Variants in LMX1A observed in about 807,000 individuals in gnomAD.
The protein encoded by LMX1A is LIM homeobox transcription factor 1 alpha, also known as LIM homeobox transcription factor 1-alpha.
Under a neutral mutation model 49.1 loss-of-function variants are expected in LMX1A, and 15 were observed. That is an observed-to-expected ratio of 0.31 (90% CI 0.20 to 0.47). The LOEUF (loss-of-function observed/expected upper bound fraction) is 0.47, where lower values mean the gene tolerates loss of function less well. LMX1A is among the 20% of genes least tolerant of loss of function. LMX1A has a pLI of 1.00. For synonymous variants in LMX1A, 167 were observed against 185.7 expected (o/e 0.90, Z 0.82); for missense variants, 372 against 475.8 (o/e 0.78, Z 2.03).
Position 165,318,448 on chromosome 1 carries a change from G to A in LMX1A, c.263+34628C>T, listed in dbSNP as rs963886436. Among the ~76,000 whole-genome samples the A allele has an allele frequency of 4.0e-5, 6 of 150,780 alleles. No individual in the cohort carries two copies. The South Asian group carries it at 1.1e-3, about 27-fold the overall frequency. On this transcript the variant is annotated intron_variant, in intron 3 of 8. Transcript: ENST00000342310. ...AAACAATCTGCTGGCTTCAGGTTCAGAGCATTTGTTAAGGCATTATATAAT... is the reference window on the plus strand; with the variant it reads ...AAACAATCTGCTGGCTTCAGGTTCAAAGCATTTGTTAAGGCATTATATAAT...
chr1:165,289,470 C>T, intron 3 of LMX1A, among the ~76,000 whole-genome samples: 1 of 152,228 alleles, frequency 6.6e-6, no homozygotes, highest in East Asian at 1.9e-4. Flanking sequence ...GAAGGGTTGC[C>T]AAGGCTCCCT....
chr1:165,236,475 T>C (rs958215916), intron 4 of LMX1A, among the ~76,000 whole-genome samples: 82 of 152,158 alleles, frequency 5.4e-4, no homozygotes, highest in African/African-American at 1.9e-3. Context: ...ATCATTAAAT[T>C]TGCATTTCCA....
At chr1:165,272,388 C>A (rs1389609227) in intron 3 of LMX1A, among the ~76,000 whole-genome samples, 1 of 152,214 alleles carries the variant, frequency 6.6e-6, no homozygotes, top group Non-Finnish European at 1.5e-5. Context: ...GAAGCATCAA[C>A]CACCCTCATT....
rs1312414603 is a variant in LMX1A at position 165,355,602 on chromosome 1, T to C, written c.-22-21A>G. The C allele has an allele frequency of 1.3e-6, 2 of 1,587,022 alleles. No individual in the cohort carries two copies. The highest frequency in any genetic ancestry group is 2.7e-5 in the African/African-American group (2 of 74,360). On this transcript the variant is annotated intron_variant, in intron 1 of 8. Coordinates refer to ENST00000342310, the MANE Select transcript of LMX1A (RefSeq NM_177398.4). This position sits in a 1 kb window ranked among gnomAD's most constrained non-coding sequence, Gnocchi z 4.7. ...AGGACCTGTAGAGGAGAAGAAACGATGCGTCTGACGTCCGTGCCCGCTGGG... is the reference window on the plus strand; with the variant it reads ...AGGACCTGTAGAGGAGAAGAAACGACGCGTCTGACGTCCGTGCCCGCTGGG...
At chr1:165,320,708 T>G (rs1234545581) in intron 3 of LMX1A, among the ~76,000 whole-genome samples, 1 of 152,202 alleles carries the variant, frequency 6.6e-6, no homozygotes, top group African/African-American at 2.4e-5. Context: ...CATATCTTTC[T>G]AAATAGGATT....
At chr1:165,251,082 G>C (rs1300817560) in intron 3 of LMX1A, among the ~76,000 whole-genome samples, 5 of 128,772 alleles carry the variant, frequency 3.9e-5, no homozygotes, top group African/African-American at 1.4e-4. Context: ...GTATTGAATG[G>C]CTTTTTTTTT....
At chr1:165,342,766 G>A (rs1656116093) in intron 3 of LMX1A, among the ~76,000 whole-genome samples, 1 of 152,020 alleles carries the variant, frequency 6.6e-6, no homozygotes, top group South Asian at 2.1e-4. Flanking sequence ...CTAGCAGGTG[G>A]GGACTTGTTT....
chr1:165,345,236 A>G lies in LMX1A; in HGVS notation c.263+7840T>C, dbSNP rs182277795. 1.6e-4 allele frequency among the ~76,000 whole-genome samples: 24 copies of G among 152,314 alleles called. No homozygotes were observed. The East Asian group carries it at 3.9e-3, about 25-fold the overall frequency. On this transcript the variant is annotated intron_variant, in intron 3 of 8. Transcript: ENST00000342310. Reference sequence around the variant, plus strand: ...TGAGGCTTGATAGGGAGGAGGCAACAGAATTGTGAGTCAAGGCGTGGCTGC... The same window carrying G: ...TGAGGCTTGATAGGGAGGAGGCAACGGAATTGTGAGTCAAGGCGTGGCTGC...
intron 3 of LMX1A, among the ~76,000 whole-genome samples, chr1:165,314,306 C>A (rs1655159049): frequency 6.6e-6 from 1 of 152,182 alleles, no homozygotes; most frequent in Admixed American, 6.5e-5. Flanking sequence ...CTGGAACCAG[C>A]CTCTATGAAT....
chr1:165,321,978 A>G (rs1351926964), intron 3 of LMX1A, among the ~76,000 whole-genome samples: 3 of 152,186 alleles, frequency 2.0e-5, no homozygotes, highest in Admixed American at 2.0e-4. Context: ...AAACAATTCA[A>G]CAACAAAAAG....
At position 165,279,634 on chromosome 1, in the gene LMX1A, A is replaced by T. The variant is rs1253923844; in HGVS notation, c.264-29994T>A. Among the ~76,000 whole-genome samples, 2 of 152,170 alleles carry T rather than the reference A, an allele frequency of 1.3e-5. 1 individual carries two copies. The highest frequency in any genetic ancestry group is 3.8e-4 in the East Asian group (2 of 5,196). ...GCTGATGCTGCCTGTCCAGGACAAC[A>T]TTATTCATTTGAGTATATCTAGGAC... is the stretch of plus-strand genomic sequence containing the variant. On this transcript the variant is annotated intron_variant, in intron 3 of 8. Transcript: ENST00000342310.
chr1:165,237,587 AAAC>A (rs1285838480), intron 4 of LMX1A, among the ~76,000 whole-genome samples: 3 of 152,174 alleles, frequency 2.0e-5, no homozygotes, highest in Non-Finnish European at 4.4e-5. Context: ...AAACAAAACA[AAAC>A]AAAAAAACCC....
intron 3 of LMX1A, among the ~76,000 whole-genome samples, chr1:165,263,674 C>A (rs1571188068): frequency 6.6e-6 from 1 of 152,238 alleles, no homozygotes; most frequent in South Asian, 2.1e-4. Flanking sequence ...ATCCTACTAC[C>A]TAAATCAGAT....
chr1:165,349,646 T>C (rs1456139202), intron 3 of LMX1A, among the ~76,000 whole-genome samples: 1 of 152,200 alleles, frequency 6.6e-6, no homozygotes, highest in Non-Finnish European at 1.5e-5. Context: ...GAAGATAAAT[T>C]ATTCCTAACG....
chr1:165,320,101 C>T (rs893908063), intron 3 of LMX1A, among the ~76,000 whole-genome samples: 8 of 152,142 alleles, frequency 5.3e-5, no homozygotes, highest in African/African-American at 1.9e-4. Flanking sequence ...ACACTAGAAA[C>T]TCCTTTTACA....
intron 3 of LMX1A, among the ~76,000 whole-genome samples, chr1:165,287,210 T>A (rs1473629666): frequency 6.6e-6 from 1 of 152,130 alleles, no homozygotes; most frequent in Non-Finnish European, 1.5e-5. Flanking sequence ...ATCCACCTGA[T>A]CCGGTCCAAT....
intron 4 of LMX1A, among the ~76,000 whole-genome samples, chr1:165,225,660 T>C (rs888178523): frequency 6.6e-6 from 1 of 152,234 alleles, no homozygotes; most frequent in Non-Finnish European, 1.5e-5. Context: ...AAAATGAGCA[T>C]GTCCCCAAAT....
chr1:165,222,851 C>G (rs935327147), intron 4 of LMX1A, among the ~76,000 whole-genome samples: 4 of 152,218 alleles, frequency 2.6e-5, no homozygotes, highest in Admixed American at 2.6e-4. Context: ...AAACCACTAA[C>G]AGGCTATCTG....
chr1:165,244,265 T>G (rs1054796831), intron 4 of LMX1A, among the ~76,000 whole-genome samples: 2 of 152,214 alleles, frequency 1.3e-5, no homozygotes, highest in African/African-American at 4.8e-5. Context: ...CTTTAAAATA[T>G]GCTTTGTGGT....
Sources: gnomAD v4.1 joint callset for allele counts (sites outside exome capture counted in the v4.1 genomes callset) on GRCh38, gnomAD v4.1.1 for gene constraint, Gnocchi (gnomAD v3.1) non-coding constraint, MANE v1.5 for transcripts, NCBI Gene and HGNC (gene_info 2026-07-23, HGNC 2026-07-21) for gene names.